Variants in PACSIN2 observed in about 807,000 individuals in gnomAD.
The protein encoded by PACSIN2 is protein kinase C and casein kinase substrate in neurons 2.
Under a neutral mutation model 63.8 loss-of-function variants are expected in PACSIN2, and 25 were observed. The observed-to-expected ratio is 0.39, with a 90% CI of 0.29 to 0.55. PACSIN2 has a LOEUF of 0.55. PACSIN2 is among the 20% of genes least tolerant of loss of function. The pLI, the probability that PACSIN2 is intolerant of heterozygous loss-of-function variation, is 0.62. For missense variants in PACSIN2, 518 were observed against 646.9 expected, an observed-to-expected ratio of 0.80 and a Z score of 2.16; for synonymous variants, 255 against 256.2, an observed-to-expected ratio of 1.00 and a Z score of 0.05.
chr22:42,996,431 C>G (rs1267134797), intron 1 of PACSIN2, among the ~76,000 whole-genome samples: 1 of 151,034 alleles, frequency 6.6e-6, no homozygotes, highest in African/African-American at 2.4e-5. Flanking sequence ...ACTGGGAAGG[C>G]TGAGGCAGGA....
At chr22:42,968,857 A>G (rs1013024049) in intron 1 of PACSIN2, among the ~76,000 whole-genome samples, 3 of 152,168 alleles carry the variant, frequency 2.0e-5, no homozygotes, top group Admixed American at 6.5e-5. Context: ...CTGGGTTCTT[A>G]GGCCTTCAGC....
intron 1 of PACSIN2, among the ~76,000 whole-genome samples, chr22:42,958,023 T>C (rs1933985118): frequency 6.6e-6 from 1 of 151,934 alleles, no homozygotes; most frequent in Non-Finnish European, 1.5e-5. Flanking sequence ...AAATGGTACT[T>C]ACAGCAAAAA....
chr22:42,939,148 G>A (rs532624338), intron 1 of PACSIN2, among the ~76,000 whole-genome samples: 102 of 152,308 alleles, frequency 6.7e-4, no homozygotes, highest in African/African-American at 2.0e-3. Flanking sequence ...AGCTAACAGC[G>A]TGTAATTAGA....
intron 1 of PACSIN2, among the ~76,000 whole-genome samples, chr22:42,969,202 T>C (rs1240123163): frequency 6.6e-6 from 1 of 152,244 alleles, no homozygotes; most frequent in Non-Finnish European, 1.5e-5. Context: ...GTTTGAAATA[T>C]GGAGATAATT....
chr22:42,987,449 AACACACAC>A (rs745523623), intron 1 of PACSIN2, among the ~76,000 whole-genome samples: 15 of 87,086 alleles, frequency 1.7e-4, no homozygotes, highest in East Asian at 1.7e-3. Context: ...GTCCAGGAGC[AACACACAC>A]ACACACACAC....
intron 1 of PACSIN2, among the ~76,000 whole-genome samples, chr22:42,970,828 G>A (rs989073131): frequency 6.6e-6 from 1 of 152,168 alleles, no homozygotes; most frequent in African/African-American, 2.4e-5. Context: ...CAGATATGGA[G>A]TGCTTGTGGT....
chr22:42,875,053 T>G (rs1239105907), intron 10 of PACSIN2, among the ~76,000 whole-genome samples: 1 of 151,694 alleles, frequency 6.6e-6, no homozygotes, highest in Non-Finnish European at 1.5e-5. Flanking sequence ...GGTTTCACAC[T>G]CTTAGCCAGG....
At chr22:42,890,804 C>T (rs1427017772) in intron 4 of PACSIN2, 143 bp downstream of exon 4, 2 of 638,044 alleles carry the variant, frequency 3.1e-6, no homozygotes, top group African/African-American at 1.8e-5. Flanking sequence ...GGCTTCTAGC[C>T]TGAGGAGTGG....
At chr22:42,970,238 G>A (rs373314026) in intron 1 of PACSIN2, among the ~76,000 whole-genome samples, 11 of 152,336 alleles carry the variant, frequency 7.2e-5, no homozygotes, top group South Asian at 2.1e-4. Flanking sequence ...TTAACATCAC[G>A]GTGGTGAGTC....
chr22:42,985,440 A>G (rs1281682234), intron 1 of PACSIN2, among the ~76,000 whole-genome samples: 1 of 151,996 alleles, frequency 6.6e-6, no homozygotes, highest in Non-Finnish European at 1.5e-5. Context: ...AGATGGGCAC[A>G]CTCCAAGGCT....
At chr22:43,005,654 T>G (rs1924044980) in intron 1 of PACSIN2, among the ~76,000 whole-genome samples, 1 of 152,126 alleles carries the variant, frequency 6.6e-6, no homozygotes, top group South Asian at 2.1e-4. Flanking sequence ...TAAAATCACT[T>G]TGGGCACTTT....
intron 1 of PACSIN2, among the ~76,000 whole-genome samples, chr22:42,980,624 T>C (rs1419640551): frequency 1.1e-4 from 15 of 131,962 alleles, no homozygotes; most frequent in Non-Finnish European, 2.1e-4. Flanking sequence ...GTGCCTGCGA[T>C]TGCAGGCGCG....
Position 42,870,470 on chromosome 22 carries a change from T to C in PACSIN2, c.*887A>G, listed in dbSNP as rs550236940. ...TGCTTTAGATTCTCTGAATATCAAATAATATATACAGATAGACACTGAGAC... is the reference window on the plus strand; with the variant it reads ...TGCTTTAGATTCTCTGAATATCAAACAATATATACAGATAGACACTGAGAC... On this transcript the variant is annotated 3_prime_UTR_variant, in exon 11 of 11. Coordinates refer to ENST00000263246, the MANE Select transcript of PACSIN2 (RefSeq NM_001184970.3). The C allele has an allele frequency of 1.3e-5, 2 of 152,208 alleles. No individual in the cohort carries two copies. The highest frequency in any genetic ancestry group is 2.9e-5 in the Non-Finnish European group (2 of 68,026). 9.4% of individuals were successfully genotyped at this position (152,208 alleles called of 1,614,324 possible). A position where few individuals can be genotyped will look rare whatever the true frequency, so the allele number is the denominator to read the frequency against.
Position 42,985,205 on chromosome 22 carries a change from G to A in PACSIN2, c.-78+29816C>T, listed in dbSNP as rs565226246. Among the ~76,000 whole-genome samples, 25 of 152,354 alleles carry A rather than the reference G, an allele frequency of 1.6e-4. No homozygotes were observed. The South Asian group carries it at 4.3e-3, about 26-fold the overall frequency. ...CAGCCAGGAGTGGCGGCACATGCCT[G>A]TAATCCCAGCTACTTGGGGGCTGAG... On this transcript the variant is annotated intron_variant, in intron 1 of 10. Transcript: ENST00000263246.
chr22:42,875,226 T>C (rs1928517360), intron 10 of PACSIN2, among the ~76,000 whole-genome samples: 1 of 151,932 alleles, frequency 6.6e-6, no homozygotes, highest in South Asian at 2.1e-4. Context: ...CATGGCTCAC[T>C]GTATCCTCTT....
At chr22:42,893,818 T>C (rs1930094536) in intron 2 of PACSIN2, among the ~76,000 whole-genome samples, 1 of 152,126 alleles carries the variant, frequency 6.6e-6, no homozygotes, top group South Asian at 2.1e-4. Flanking sequence ...TACACATCAG[T>C]GAACGGGGGC....
intron 1 of PACSIN2, among the ~76,000 whole-genome samples, chr22:42,931,363 A>G (rs552651724): frequency 6.6e-6 from 1 of 152,382 alleles, no homozygotes; most frequent in African/African-American, 2.4e-5. Flanking sequence ...GGAGGACTGA[A>G]GTAGCTGCTT....
Position 43,005,161 on chromosome 22 carries a change from T to C in PACSIN2, c.-78+9860A>G, listed in dbSNP as rs183661244. On this transcript the variant is annotated intron_variant, in intron 1 of 10. Coordinates refer to ENST00000263246, the MANE Select transcript of PACSIN2 (RefSeq NM_001184970.3). Reference sequence around the variant, plus strand: ...TGCTGCGTGTTATCTTAATACAATTTCACACAGGTGAGCAGTGCTCACACC... The same window carrying C: ...TGCTGCGTGTTATCTTAATACAATTCCACACAGGTGAGCAGTGCTCACACC... Among the ~76,000 whole-genome samples the C allele has an allele frequency of 3.1e-3, 471 of 152,346 alleles. 3 individuals carry two copies. The highest frequency in any genetic ancestry group is 0.011 in the African/African-American group (464 of 41,568).
intron 1 of PACSIN2, among the ~76,000 whole-genome samples, chr22:42,982,888 A>AAAAAAAAAAC (rs759532303): frequency 3.8e-5 from 4 of 105,206 alleles, no homozygotes; most frequent in Admixed American, 1.1e-4. Flanking sequence ...AAAAAAAAAA[A>AAAAAAAAAAC]AACAACAACA....
Sources: gnomAD v4.1 joint callset for allele counts (sites outside exome capture counted in the v4.1 genomes callset) on GRCh38, gnomAD v4.1.1 for gene constraint, MANE v1.5 for transcripts, NCBI Gene and HGNC (gene_info 2026-07-23, HGNC 2026-07-21) for gene names.